PIK3C2G: variants seen among roughly 807,000 people sequenced by gnomAD.
The protein encoded by PIK3C2G is phosphatidylinositol-4-phosphate 3-kinase catalytic subunit type 2 gamma, also known as phosphatidylinositol 3-kinase C2 domain-containing subunit gamma.
In PIK3C2G, 168 loss-of-function variants were observed where a neutral mutation model predicts 181.1. The observed-to-expected ratio is 0.93, with a 90% CI of 0.82 to 1.05. The LOEUF (loss-of-function observed/expected upper bound fraction) is 1.05. Ranked by LOEUF, PIK3C2G falls within the 50% of genes least tolerant of loss-of-function variation. The pLI, the probability that PIK3C2G is intolerant of heterozygous loss-of-function variation, is 0.00. For missense variants in PIK3C2G, 1,869 were observed against 1,732.8 expected, an observed-to-expected ratio of 1.08 and a Z score of -1.40; for synonymous variants, 573 against 592.2, an observed-to-expected ratio of 0.97 and a Z score of 0.47.
intron 11 of PIK3C2G, among the ~76,000 whole-genome samples, chr12:18,350,388 T>C (rs1379718943): frequency 2.0e-5 from 3 of 152,294 alleles, no homozygotes; most frequent in Non-Finnish European, 4.4e-5. Flanking sequence ...AAATGCATAA[T>C]ATGTACAGTA....
chr12:18,347,523 CT>C (rs370441545), intron 11 of PIK3C2G, among the ~76,000 whole-genome samples: 1 of 152,232 alleles, frequency 6.6e-6, no homozygotes, highest in Non-Finnish European at 1.5e-5. Context: ...AAACATTCAA[CT>C]TTTGGCCGGG....
At chr12:18,257,691 AAAG>A (rs1280237964), upstream of PIK3C2G, among the ~76,000 whole-genome samples, 2 of 151,110 alleles carry the variant, frequency 1.3e-5, no homozygotes, top group Non-Finnish European at 3.0e-5. Flanking sequence ...AAAGAAGAAA[AAAG>A]AAAGAAGACA....
At chr12:18,472,315 T>C (rs1441312571) in intron 18 of PIK3C2G, among the ~76,000 whole-genome samples, 1 of 152,236 alleles carries the variant, frequency 6.6e-6, no homozygotes, top group East Asian at 1.9e-4. Context: ...ATTTTATTAG[T>C]ATTTTTTGGA....
At chr12:18,354,208 C>A (rs1286971738) in intron 11 of PIK3C2G, among the ~76,000 whole-genome samples, 1 of 152,202 alleles carries the variant, frequency 6.6e-6, no homozygotes. Flanking sequence ...TGAAAACTTG[C>A]CAAGATCTCC....
At chr12:18,418,271 C>T (rs1945291100) in intron 16 of PIK3C2G, among the ~76,000 whole-genome samples, 1 of 152,062 alleles carries the variant, frequency 6.6e-6, no homozygotes, top group Admixed American at 6.6e-5. Context: ...AACAGAGGCA[C>T]CTTCAAGGGA....
At chr12:18,542,910 A>G (rs1247227886) in intron 25 of PIK3C2G, among the ~76,000 whole-genome samples, 1 of 151,628 alleles carries the variant, frequency 6.6e-6, no homozygotes, top group East Asian at 1.9e-4. Flanking sequence ...TATACCCACA[A>G]TGAGATTGCT....
chr12:18,699,653 T>C, the PIK3C2G span: 1 of 891,942 alleles, frequency 1.1e-6, no homozygotes, highest in South Asian at 1.5e-5. Flanking sequence ...CTGAGGTATG[T>C]AACCCCATTC....
At chr12:18,401,165 C>T (rs1239145623) in intron 16 of PIK3C2G, among the ~76,000 whole-genome samples, 1 of 151,998 alleles carries the variant, frequency 6.6e-6, no homozygotes, top group African/African-American at 2.4e-5. Flanking sequence ...CGTAGTAATT[C>T]CTCAGTATTG....
chr12:18,633,099 C>G (rs1298924024), intron 31 of PIK3C2G, among the ~76,000 whole-genome samples: 1 of 152,110 alleles, frequency 6.6e-6, no homozygotes, highest in Non-Finnish European at 1.5e-5. Context: ...CTCCATACAA[C>G]CAAAAACATG....
At chr12:18,572,802 T>C (rs547494976) in intron 29 of PIK3C2G, among the ~76,000 whole-genome samples, 7 of 152,092 alleles carry the variant, frequency 4.6e-5, no homozygotes, top group Non-Finnish European at 1.0e-4. Flanking sequence ...TCATGCCTCA[T>C]TCTGAGTAGC....
At chr12:18,650,686 GTGTGTGTGTGTGTGTGTGTATATATCTA>G (rs1950416361), downstream of PIK3C2G, among the ~76,000 whole-genome samples, 28 of 43,994 alleles carry the variant, frequency 6.4e-4, 1 homozygote, top group South Asian at 4.5e-3. Context: ...GTGTGTGTGT[GTGTGTGTGTGTGTGTGTGTATATATCTA>G]TATATATATA....
At chr12:18,270,228 T>C (rs529062368) in intron 1 of PIK3C2G, among the ~76,000 whole-genome samples, 10 of 152,252 alleles carry the variant, frequency 6.6e-5, no homozygotes, top group Admixed American at 1.3e-4. Flanking sequence ...TTTTCTTATA[T>C]AATACTTATT....
rs1314130772 is a variant in PIK3C2G at position 18,342,624 on chromosome 12, C to T, written c.1396-703C>T. Reference sequence around the variant, plus strand: ...CATTTTTTAGGATGTCTATAAATCACCTTATACAGTTTTCATGATAGTTTA... The same window carrying T: ...CATTTTTTAGGATGTCTATAAATCATCTTATACAGTTTTCATGATAGTTTA... On this transcript the variant is annotated intron_variant, in intron 9 of 32. Transcript: ENST00000538779. Among the ~76,000 whole-genome samples the T allele has an allele frequency of 4.0e-5, 6 of 151,660 alleles. No homozygotes were observed. In the East Asian group the frequency reaches 1.2e-3, roughly 29 times the overall value.
At chr12:18,541,075 C>T (rs1372468027) in intron 25 of PIK3C2G, among the ~76,000 whole-genome samples, 1 of 151,936 alleles carries the variant, frequency 6.6e-6, no homozygotes, top group Non-Finnish European at 1.5e-5. Context: ...TCTGTCTCAA[C>T]CCGACTCTTT....
At chr12:18,532,749 C>G (rs1025418460) in intron 24 of PIK3C2G, among the ~76,000 whole-genome samples, 1 of 152,124 alleles carries the variant, frequency 6.6e-6, no homozygotes, top group East Asian at 1.9e-4. Flanking sequence ...GATTGAAGTG[C>G]CACATCACAG....
chr12:18,688,071 G>T, the PIK3C2G span: 1 of 1,608,940 alleles, frequency 6.2e-7, no homozygotes, highest in South Asian at 1.1e-5. Flanking sequence ...AATTCAATAA[G>T]GTATATCAGG....
At position 18,252,934 on chromosome 12, in the gene PIK3C2G, T is replaced by A. The variant is rs1307282537; in HGVS notation, c.-79+4852T>A. Among the ~76,000 whole-genome samples the A allele has an allele frequency of 2.0e-5, 3 of 152,120 alleles. No individual in the cohort carries two copies. The East Asian group carries it at 5.8e-4, about 29-fold the overall frequency. On this transcript the variant is annotated intron_variant, in intron 1 of 11. Transcript: ENST00000535651. Reference sequence around the variant, plus strand: ...AGTCCATTAATATAAATTTGGACAGTGACTGTCTCTGGGAGGAAAGGTAGC... The same window carrying A: ...AGTCCATTAATATAAATTTGGACAGAGACTGTCTCTGGGAGGAAAGGTAGC...
chr12:18,543,797 A>C (rs1042074677), intron 25 of PIK3C2G, among the ~76,000 whole-genome samples: 1 of 151,696 alleles, frequency 6.6e-6, no homozygotes, highest in African/African-American at 2.4e-5. Flanking sequence ...CCTTAGCCTG[A>C]ATCATGTGTT....
the PIK3C2G span, chr12:18,688,215 T>C: frequency 1.2e-6 from 2 of 1,607,294 alleles, no homozygotes; most frequent in South Asian, 2.2e-5. Flanking sequence ...ATACCACTGA[T>C]GAGCTGCACA....
Sources: gnomAD v4.1 joint callset for allele counts (sites outside exome capture counted in the v4.1 genomes callset) on GRCh38, gnomAD v4.1.1 for gene constraint, MANE v1.5 for transcripts, NCBI Gene and HGNC (gene_info 2026-07-23, HGNC 2026-07-21) for gene names.